Variants in MAN1C1 observed in about 807,000 individuals in gnomAD.
The protein encoded by MAN1C1 is mannosidase alpha class 1C member 1.
MAN1C1 carries 49 observed loss-of-function variants against 71.5 expected under a neutral mutation model. The observed-to-expected ratio is 0.69, with a 90% CI of 0.54 to 0.87. The LOEUF (loss-of-function observed/expected upper bound fraction) is 0.87, where lower values mean the gene tolerates loss of function less well. Ranked by LOEUF, MAN1C1 falls within the 40% of genes least tolerant of loss-of-function variation. The pLI, the probability that MAN1C1 is intolerant of heterozygous loss-of-function variation, is 0.00. For missense variants in MAN1C1, 743 were observed against 835.0 expected (o/e 0.89, Z 1.36); for synonymous variants, 352 against 343.7 (o/e 1.02, Z -0.27).
rs144884232 is a variant in MAN1C1 at position 25,623,363 on chromosome 1, C to A, written c.540+5026C>A. Among the ~76,000 whole-genome samples, 131 of 152,126 alleles carry A rather than the reference C, an allele frequency of 8.6e-4. 1 individual carries two copies. Among genetic ancestry groups the A allele is most frequent in the African/African-American group, 3.1e-3 (128 of 41,494 alleles). ...GCAATTGCTTCTTAGGCCCCATATT[C>A]TTAACTCTGTCTTTAGTGTCAGGGC... On this transcript the variant is annotated intron_variant, in intron 1 of 11. Transcript: ENST00000374332.
chr1:25,621,326 G>T (rs1212074546), intron 1 of MAN1C1, among the ~76,000 whole-genome samples: 3 of 152,194 alleles, frequency 2.0e-5, no homozygotes, highest in Non-Finnish European at 4.4e-5. Context: ...TCAGGCAGTT[G>T]GTTAAGTTAA....
At chr1:25,684,977 A>G (rs1236340751) in intron 1 of MAN1C1, among the ~76,000 whole-genome samples, 2 of 152,222 alleles carry the variant, frequency 1.3e-5, no homozygotes, top group Non-Finnish European at 2.9e-5. Context: ...GGGGCCCAAC[A>G]GTCTGTTTTA....
chr1:25,772,779 T>A (rs1226653450), intron 8 of MAN1C1, among the ~76,000 whole-genome samples: 1 of 152,316 alleles, frequency 6.6e-6, no homozygotes, highest in East Asian at 1.9e-4. Context: ...CCGCCTTCCC[T>A]GGGCCCTGCT....
chr1:25,688,167 G>A (rs937524522), intron 2 of MAN1C1, among the ~76,000 whole-genome samples: 2 of 152,182 alleles, frequency 1.3e-5, no homozygotes, highest in Non-Finnish European at 2.9e-5. Context: ...TGGATTTTTA[G>A]AGATGAATTC....
chr1:25,645,961 T>G (rs1009507236), intron 1 of MAN1C1: 1 of 152,308 alleles, frequency 6.6e-6, no homozygotes, highest in Non-Finnish European at 1.5e-5. Context: ...CAAATCACTC[T>G]GAGCTTTCTT....
At chr1:25,629,044 T>C (rs1557739678) in intron 1 of MAN1C1, among the ~76,000 whole-genome samples, 1 of 152,254 alleles carries the variant, frequency 6.6e-6, no homozygotes, top group African/African-American at 2.4e-5. Context: ...TGAATTGTGC[T>C]GCAGTAAACA....
chr1:25,674,992 GTAC>G (rs2046044433), intron 1 of MAN1C1, among the ~76,000 whole-genome samples: 1 of 152,152 alleles, frequency 6.6e-6, no homozygotes, highest in African/African-American at 2.4e-5. Flanking sequence ...CATGGTGGTG[GTAC>G]AAAGAGAAGT....
intron 2 of MAN1C1, among the ~76,000 whole-genome samples, chr1:25,728,577 C>G (rs2046866263): frequency 6.6e-6 from 1 of 152,122 alleles, no homozygotes; most frequent in Admixed American, 6.5e-5. Context: ...GAGCTCTGTT[C>G]CCTCTGATGA....
chr1:25,710,958 T>G (rs2124247846), intron 2 of MAN1C1, among the ~76,000 whole-genome samples: 1 of 152,300 alleles, frequency 6.6e-6, no homozygotes, highest in South Asian at 2.1e-4. Context: ...AAGGCTGAAC[T>G]CATTGTATCA....
chr1:25,620,721 T>C (rs988499593), intron 1 of MAN1C1, among the ~76,000 whole-genome samples: 9 of 152,174 alleles, frequency 5.9e-5, no homozygotes, highest in Non-Finnish European at 8.8e-5. Flanking sequence ...CCTGTTCTTA[T>C]AAGATTTTAA....
intron 1 of MAN1C1, among the ~76,000 whole-genome samples, chr1:25,636,490 A>G (rs537822262): frequency 1.1e-4 from 17 of 152,298 alleles, no homozygotes; most frequent in African/African-American, 3.6e-4. Flanking sequence ...GTCTGTTTAT[A>G]GGCTCTCTGC....
At chr1:25,666,493 T>G (rs1474082090) in intron 1 of MAN1C1, among the ~76,000 whole-genome samples, 1 of 152,120 alleles carries the variant, frequency 6.6e-6, no homozygotes, top group East Asian at 1.9e-4. Context: ...GGGAGAGGAA[T>G]TTCTTCCTCT....
At chr1:25,636,540 G>A (rs2045463628) in intron 1 of MAN1C1, among the ~76,000 whole-genome samples, 1 of 152,178 alleles carries the variant, frequency 6.6e-6, no homozygotes, top group South Asian at 2.1e-4. Flanking sequence ...AACCCTGCAG[G>A]CAGTCAGACC....
chr1:25,751,144 C>T (rs1383671460), intron 4 of MAN1C1, among the ~76,000 whole-genome samples: 1 of 149,948 alleles, frequency 6.7e-6, no homozygotes, highest in Non-Finnish European at 1.5e-5. Flanking sequence ...TCCCTTCGTT[C>T]ATCTTTCCTT....
intron 1 of MAN1C1, among the ~76,000 whole-genome samples, chr1:25,619,618 G>A (rs779601697): frequency 1.3e-5 from 2 of 152,190 alleles, no homozygotes; most frequent in Non-Finnish European, 2.9e-5. Context: ...AAGCCACAGG[G>A]AAACTGAGTG....
chr1:25,770,345 G>T (rs1283509738), intron 7 of MAN1C1, among the ~76,000 whole-genome samples: 1 of 152,248 alleles, frequency 6.6e-6, no homozygotes, highest in Non-Finnish European at 1.5e-5. Flanking sequence ...GGCTGGAGGG[G>T]GCCGGAAGGG....
chr1:25,709,495 C>T (rs1205518873), intron 2 of MAN1C1: 1 of 152,274 alleles, frequency 6.6e-6, no homozygotes, highest in Non-Finnish European at 1.5e-5. Context: ...CACCCTAACT[C>T]TCCAGCTCCA....
intron 1 of MAN1C1, among the ~76,000 whole-genome samples, chr1:25,626,060 T>G (rs1351679144): frequency 6.6e-6 from 1 of 152,234 alleles, no homozygotes; most frequent in Non-Finnish European, 1.5e-5. Flanking sequence ...ACATTTTATG[T>G]ACAAGTCTGT....
rs2047240981 is a variant in MAN1C1 at position 25,753,317 on chromosome 1, A to G, written c.835-167A>G. On this transcript the variant is annotated intron_variant, in intron 4 of 11. Transcript: ENST00000374332. This position sits in a 1 kb window ranked among gnomAD's most constrained non-coding sequence, Gnocchi z 4.9. The stretch of plus-strand genomic sequence containing the variant: ...AGCTGAGGCTCAGAAGTACCTTGCC[A>G]AAGTCCACGTGGCCAGCAGTTGGAA... 6.6e-6 allele frequency among the ~76,000 whole-genome samples: 1 copy of G among 152,224 alleles called. No individual in the cohort carries two copies. The highest frequency in any genetic ancestry group is 2.1e-4 in the South Asian group (1 of 4,832).
Sources: gnomAD v4.1 joint callset for allele counts (sites outside exome capture counted in the v4.1 genomes callset) on GRCh38, gnomAD v4.1.1 for gene constraint, Gnocchi (gnomAD v3.1) non-coding constraint, MANE v1.5 for transcripts, NCBI Gene and HGNC (gene_info 2026-07-23, HGNC 2026-07-21) for gene names.